The following PRKCB variants were observed in gnomAD, a reference collection of about 807,000 sequenced individuals.
The protein encoded by PRKCB is protein kinase C beta type.
Under a neutral mutation model 81.5 loss-of-function variants are expected in PRKCB, and 13 were observed. That is an observed-to-expected ratio of 0.16 (90% confidence interval 0.10 to 0.25). The LOEUF (loss-of-function observed/expected upper bound fraction) is 0.25. Ranked by LOEUF, PRKCB falls within the 10% of genes least tolerant of loss-of-function variation. The pLI, the probability that PRKCB is intolerant of heterozygous loss-of-function variation, is 1.00. For synonymous variants in PRKCB, 335 were observed against 321.4 expected, an observed-to-expected ratio of 1.04 and a Z score of -0.45; for missense variants, 509 against 875.7, an observed-to-expected ratio of 0.58 and a Z score of 5.29.
chr16:24,209,207 C>G (rs1478435205), intron 16 of PRKCB, among the ~76,000 whole-genome samples: 5 of 152,102 alleles, frequency 3.3e-5, no homozygotes, highest in South Asian at 4.2e-4. Context: ...GTTCCAACAC[C>G]CAGGCCAAAG....
At chr16:24,112,837 C>CG (rs1966691831) in intron 7 of PRKCB, 136 bp from the exon 8 acceptor site, 4 of 207,928 alleles carry the variant, frequency 1.9e-5, no homozygotes, top group Non-Finnish European at 4.2e-5. Flanking sequence ...GAAAAACAAA[C>CG]CAAAACAAAC....
intron 5 of PRKCB, among the ~76,000 whole-genome samples, chr16:24,088,625 G>T (rs1195527953): frequency 6.6e-6 from 1 of 151,352 alleles, no homozygotes; most frequent in Non-Finnish European, 1.5e-5. Context: ...GCTATTCAGG[G>T]TGCTGAGGTG....
chr16:24,122,790 C>T (rs946410432), intron 8 of PRKCB, among the ~76,000 whole-genome samples: 8 of 152,140 alleles, frequency 5.3e-5, no homozygotes, highest in African/African-American at 1.9e-4. Flanking sequence ...ACAGTTTTCT[C>T]TCTGCTAAAC....
chr16:23,906,931 G>T (rs1434076634), intron 2 of PRKCB, among the ~76,000 whole-genome samples: 1 of 152,096 alleles, frequency 6.6e-6, no homozygotes, highest in Non-Finnish European at 1.5e-5. Flanking sequence ...AAGGATAACC[G>T]CAATTTATTA....
Position 24,216,076 on chromosome 16 carries a change from A to G in PRKCB, c.*1260A>G, listed in dbSNP as rs1302508038. The G allele has an allele frequency of 1.0e-6, 1 of 985,262 alleles. No individual in the cohort carries two copies. Among genetic ancestry groups the G allele is most frequent in the African/African-American group, 1.7e-5 (1 of 57,232 alleles). 61.0% of individuals were successfully genotyped at this position (985,262 alleles called of 1,614,324 possible). A position where few individuals can be genotyped will look rare whatever the true frequency, so the allele number is the denominator to read the frequency against. On this transcript the variant is annotated 3_prime_UTR_variant, in exon 17 of 17. Transcript: ENST00000643927. ...CGTGGACCTAAACTACAAAGTGGGA[A>G]CTGAGGAGGGAACTCAGGAGAAAGG...
intron 7 of PRKCB, among the ~76,000 whole-genome samples, chr16:24,105,096 G>T (rs1447645109): frequency 1.3e-5 from 2 of 149,174 alleles, no homozygotes; most frequent in African/African-American, 5.0e-5. Flanking sequence ...TCACTCTATC[G>T]CCCAGGCTGG....
At chr16:24,030,445 A>G (rs576127065) in intron 3 of PRKCB, among the ~76,000 whole-genome samples, 32 of 152,278 alleles carry the variant, frequency 2.1e-4, no homozygotes, top group African/African-American at 6.3e-4. Flanking sequence ...AATAGCAATC[A>G]TGGAAAGCTT....
chr16:24,049,052 T>G (rs1008342469), intron 5 of PRKCB, among the ~76,000 whole-genome samples: 2 of 130,532 alleles, frequency 1.5e-5, no homozygotes, highest in African/African-American at 6.3e-5. Context: ...GGCCTGTTTT[T>G]TTTTTTTTTT....
chr16:24,118,561 G>A (rs1026741311), intron 8 of PRKCB, among the ~76,000 whole-genome samples: 3 of 152,182 alleles, frequency 2.0e-5, no homozygotes, highest in African/African-American at 7.2e-5. Flanking sequence ...GTTTTAGCCA[G>A]GACAGGCATT....
intron 10 of PRKCB, among the ~76,000 whole-genome samples, chr16:24,171,103 C>G (rs1424289717): frequency 6.6e-6 from 1 of 152,150 alleles, no homozygotes; most frequent in Non-Finnish European, 1.5e-5. Context: ...AAACAATAAG[C>G]ATTTATTATC....
intron 2 of PRKCB, among the ~76,000 whole-genome samples, chr16:23,917,003 T>C (rs1284620628): frequency 6.6e-6 from 1 of 152,176 alleles, no homozygotes; most frequent in Non-Finnish European, 1.5e-5. Context: ...CTTAAACTCC[T>C]GGGCTCAAGT....
intron 9 of PRKCB, among the ~76,000 whole-genome samples, chr16:24,131,352 A>G (rs1236335996): frequency 2.0e-5 from 3 of 152,232 alleles, no homozygotes; most frequent in Non-Finnish European, 4.4e-5. Context: ...TGAACCAATG[A>G]CATTAAATGC....
chr16:24,048,793 T>C (rs1377948351), intron 5 of PRKCB, among the ~76,000 whole-genome samples: 3 of 152,128 alleles, frequency 2.0e-5, no homozygotes, highest in African/African-American at 4.8e-5. Context: ...CAGCCACCTT[T>C]TCTAAAACCC....
At chr16:24,047,551 A>AG (rs1328050711) in intron 5 of PRKCB, among the ~76,000 whole-genome samples, 2 of 151,186 alleles carry the variant, frequency 1.3e-5, no homozygotes, top group Admixed American at 6.6e-5. Context: ...AAAAAAAAAA[A>AG]GAATTTGAGC....
intron 16 of PRKCB, chr16:24,208,627 C>T (rs1221028228): frequency 6.6e-6 from 1 of 151,356 alleles, no homozygotes; most frequent in Admixed American, 6.6e-5. Flanking sequence ...TTTTTTTAAG[C>T]TGAGTGAGGC....
intron 5 of PRKCB, among the ~76,000 whole-genome samples, chr16:24,072,641 GCA>G (rs1966125738): frequency 6.6e-6 from 1 of 151,514 alleles, no homozygotes; most frequent in Non-Finnish European, 1.5e-5. Flanking sequence ...GAGTGCAATG[GCA>G]TGATCTCTGC....
At chr16:23,850,101 G>T (rs1279682360) in intron 2 of PRKCB, among the ~76,000 whole-genome samples, 1 of 151,938 alleles carries the variant, frequency 6.6e-6, no homozygotes, top group East Asian at 1.9e-4. Context: ...ATTTTACTTA[G>T]CATAATGTCC....
chr16:23,849,067 T>G (rs11644103), intron 2 of PRKCB, among the ~76,000 whole-genome samples: 1 of 152,094 alleles, frequency 6.6e-6, no homozygotes, highest in Non-Finnish European at 1.5e-5. Context: ...GAGAGGTGAT[T>G]TGAGTGTGAG....
At chr16:23,865,963 C>T (rs1322989059) in intron 2 of PRKCB, among the ~76,000 whole-genome samples, 1 of 152,110 alleles carries the variant, frequency 6.6e-6, no homozygotes, top group Non-Finnish European at 1.5e-5. Context: ...AAATTGCCCC[C>T]GGGCTCTATG....
Sources: allele counts gnomAD v4.1 joint callset (sites outside exome capture counted in the v4.1 genomes callset), GRCh38; gene constraint gnomAD v4.1.1; transcripts MANE v1.5; gene names NCBI Gene and HGNC (gene_info 2026-07-23, HGNC 2026-07-21).